Variants in RIMKLB observed in about 807,000 individuals in gnomAD.
RIMKLB encodes ribosomal modification protein rimK like family member B.
In RIMKLB, 7 loss-of-function variants were observed where a neutral mutation model predicts 32.0. The ratio of observed to expected loss-of-function variants is 0.22; its 90% CI spans 0.12 to 0.41. The LOEUF (loss-of-function observed/expected upper bound fraction) is 0.41, where lower values mean the gene tolerates loss of function less well. Ranked by LOEUF, RIMKLB falls within the 10% of genes least tolerant of loss-of-function variation. The pLI is 1.00. For missense variants in RIMKLB, 289 were observed against 498.7 expected (o/e 0.58, Z 4.00); for synonymous variants, 172 against 185.1 (o/e 0.93, Z 0.57).
At chr12:8,736,124 G>A (rs1946981782) in intron 2 of RIMKLB, among the ~76,000 whole-genome samples, 1 of 152,152 alleles carries the variant, frequency 6.6e-6, no homozygotes, top group African/African-American at 2.4e-5. Context: ...ACATGGTAGT[G>A]TTTTCCAGTT....
In RIMKLB at chr12:8,774,123, A is replaced by C. The variant is rs1054206782; in HGVS notation, c.*339A>C. On this transcript the variant is annotated 3_prime_UTR_variant, in exon 6 of 6. Coordinates refer to ENST00000535829, the MANE Select transcript of RIMKLB (RefSeq NM_001297776.2). ...TGGTCCCTTGCTTTTGTTTTTGTAC[A>C]AAAAAAAATGGTTTTGCTACAAATA... The C allele has an allele frequency of 1.3e-5, 13 of 996,714 alleles. No individual in the cohort carries two copies. Among genetic ancestry groups the C allele is most frequent in the African/African-American group, 4.1e-5 (2 of 48,974 alleles). 61.7% of individuals were successfully genotyped at this position (996,714 alleles called of 1,614,324 possible). A position where few individuals can be genotyped will look rare whatever the true frequency, so the allele number is the denominator to read the frequency against.
intron 5 of RIMKLB, among the ~76,000 whole-genome samples, chr12:8,766,661 G>GT (rs1477478876): frequency 2.6e-5 from 4 of 152,180 alleles, no homozygotes; most frequent in East Asian, 3.8e-4. Flanking sequence ...TACCCACTGT[G>GT]TTTTTTTCCT....
chr12:8,712,941 T>G (rs1944502348), intron 1 of RIMKLB, among the ~76,000 whole-genome samples: 1 of 152,208 alleles, frequency 6.6e-6, no homozygotes, highest in Non-Finnish European at 1.5e-5. Flanking sequence ...AAAAATCGTT[T>G]TGTTGCTTGT....
At chr12:8,715,458 A>G (rs1025633758) in intron 2 of RIMKLB, among the ~76,000 whole-genome samples, 2 of 152,042 alleles carry the variant, frequency 1.3e-5, no homozygotes, top group African/African-American at 4.8e-5. Flanking sequence ...CTCTGAACTC[A>G]AGTGATCCAC....
At chr12:8,697,695 C>T, upstream of RIMKLB, 2 of 301,318 alleles carry the variant, frequency 6.6e-6, no homozygotes, top group South Asian at 2.3e-5. Flanking sequence ...TCGCTCCCCG[C>T]GCGCGATCCA....
At chr12:8,747,000 C>T (rs779859227) in intron 2 of RIMKLB, among the ~76,000 whole-genome samples, 39 of 152,218 alleles carry the variant, frequency 2.6e-4, no homozygotes, top group African/African-American at 9.4e-4. Flanking sequence ...CTCTGCTTCC[C>T]AAAGTGCTGG....
chr12:8,751,811 C>T, intron 3 of RIMKLB, 146 bp from the exon 4 acceptor site: 1 of 603,796 alleles, frequency 1.7e-6, no homozygotes, highest in Non-Finnish European at 3.0e-6. Context: ...TTTCAACTTA[C>T]ACATACTTTC....
At chr12:8,689,432 C>G (rs2136564272) in intron 1 of RIMKLB, among the ~76,000 whole-genome samples, 1 of 152,340 alleles carries the variant, frequency 6.6e-6, no homozygotes, top group African/African-American at 2.4e-5. Context: ...TACAATCTCT[C>G]TTTCTCAGCA....
chr12:8,748,519 CGTGTGT>C (rs58187682), intron 2 of RIMKLB, among the ~76,000 whole-genome samples: 137 of 131,278 alleles, frequency 1.0e-3, no homozygotes, highest in South Asian at 3.1e-3. Context: ...TGGGATTATT[CGTGTGT>C]GTGTGTGTGT....
In RIMKLB at chr12:8,774,083, ACTT is replaced by A. The variant is rs1240340130; in HGVS notation, c.*300_*302del. The A allele has an allele frequency of 1.8e-6, 2 of 1,103,430 alleles. No individual in the cohort carries two copies. Among genetic ancestry groups the A allele is most frequent in the African/African-American group, 3.3e-5 (2 of 61,098 alleles). 68.4% of individuals were successfully genotyped at this position (1,103,430 alleles called of 1,614,324 possible). Reference sequence around the variant, plus strand: ...TGCTCATAGGCCATGAGGAACAAATACTTTTTTTTTTTCATGGTCCCTTGCTTT... The same window carrying A: ...TGCTCATAGGCCATGAGGAACAAATATTTTTTTTTCATGGTCCCTTGCTTT... On this transcript the variant is annotated 3_prime_UTR_variant, in exon 6 of 6. Transcript: ENST00000535829.
Position 8,776,485 on chromosome 12 carries a change from A to G in RIMKLB, c.*2701A>G, listed in dbSNP as rs1950734056. 6 of 711,522 alleles carry G rather than the reference A, an allele frequency of 8.4e-6. 1 individual carries two copies. Among genetic ancestry groups the G allele is most frequent in the African/African-American group, 5.8e-5 (3 of 51,768 alleles). The allele number at this position is 711,522 out of a possible 1,614,324, so 44.1% of individuals were successfully genotyped here. A position where few individuals can be genotyped will look rare whatever the true frequency, so the allele number is the denominator to read the frequency against. ...TCATTGCTATTATGAGAGAGAATGT[A>G]TATATCAAATATGTGTAATGATAAA... On this transcript the variant is annotated 3_prime_UTR_variant, in exon 6 of 6. Transcript: ENST00000535829.
chr12:8,747,240 C>T (rs146535439), intron 2 of RIMKLB, among the ~76,000 whole-genome samples: 11 of 152,298 alleles, frequency 7.2e-5, no homozygotes, highest in African/African-American at 1.9e-4. Context: ...TCAGAACATA[C>T]GGCTTTGCAT....
downstream of RIMKLB, chr12:8,779,453 T>A (rs1046532891): frequency 7.2e-5 from 11 of 152,226 alleles, no homozygotes; most frequent in East Asian, 3.9e-4. Flanking sequence ...AGTCCTGACA[T>A]CACCAACTCT....
chr12:8,723,166 T>TTTAATA (rs759110658), intron 2 of RIMKLB, among the ~76,000 whole-genome samples: 26 of 152,376 alleles, frequency 1.7e-4, no homozygotes, highest in African/African-American at 6.3e-4. Context: ...CTAAGCTTAA[T>TTTAATA]CTTTCAATTT....
intron 5 of RIMKLB, among the ~76,000 whole-genome samples, chr12:8,771,535 A>G (rs1820283706): frequency 1.3e-5 from 2 of 152,176 alleles, no homozygotes; most frequent in Admixed American, 6.5e-5. Flanking sequence ...GAAGAATAAT[A>G]CTTTGTCTGA....
chr12:8,693,302 C>T (rs1160317970), upstream of RIMKLB, among the ~76,000 whole-genome samples: 2 of 152,098 alleles, frequency 1.3e-5, no homozygotes, highest in Non-Finnish European at 2.9e-5. Flanking sequence ...TCATTAAACC[C>T]TCAATTTTAT....
intron 1 of RIMKLB, chr12:8,699,775 C>T (rs1246098384): frequency 3.3e-5 from 5 of 152,204 alleles, no homozygotes; most frequent in African/African-American, 1.2e-4. Context: ...TCTTCTCTTA[C>T]CCCTACCAGG....
chr12:8,760,888 G>T (rs1949464231), intron 5 of RIMKLB, among the ~76,000 whole-genome samples: 1 of 152,072 alleles, frequency 6.6e-6, no homozygotes, highest in Admixed American at 6.6e-5. Context: ...CCATTCTGTA[G>T]GTTGCCTGTT....
rs772656888 is a variant in RIMKLB, at chr12:8,773,637, C to T, written c.1014C>T (p.Ser338=). ...TSEPELGPPA[S]TAVDNMSASS... ...AGCCGGAGCTGGGTCCCCCAGCCAGCACTGCTGTTGACAACATGAGTGCAA... is the reference window on the plus strand; with the variant it reads ...AGCCGGAGCTGGGTCCCCCAGCCAGTACTGCTGTTGACAACATGAGTGCAA... The change falls in exon 6 of 6, where the codon AGC becomes AGT. Residue 338 remains serine (S), a synonymous_variant. Transcript: ENST00000535829. 2 of 1,614,246 alleles carry T rather than the reference C, an allele frequency of 1.2e-6. No homozygotes were observed. The highest frequency in any genetic ancestry group is 1.7e-6 in the Non-Finnish European group (2 of 1,180,044).
Sources: allele counts gnomAD v4.1 joint callset (sites outside exome capture counted in the v4.1 genomes callset), GRCh38; gene constraint gnomAD v4.1.1; transcripts MANE v1.5; gene names NCBI Gene and HGNC (gene_info 2026-07-23, HGNC 2026-07-21).